The following AGBL4 variants were observed in gnomAD, a reference collection of about 807,000 sequenced individuals.
The protein encoded by AGBL4 is AGBL carboxypeptidase 4, also known as cytosolic carboxypeptidase 6.
Under a neutral mutation model 66.4 loss-of-function variants are expected in AGBL4, and 58 were observed. The ratio of observed to expected loss-of-function variants is 0.87; its 90% CI spans 0.71 to 1.09. The LOEUF is 1.09. Ranked by LOEUF, AGBL4 falls within the 50% of genes least tolerant of loss-of-function variation. The probability of loss-of-function intolerance (pLI) is 0.00; values close to 1 mark genes in which losing one functional copy is unlikely to be tolerated. For missense variants in AGBL4, 579 were observed against 631.0 expected, an observed-to-expected ratio of 0.92 and a Z score of 0.88; for synonymous variants, 234 against 222.9, an observed-to-expected ratio of 1.05 and a Z score of -0.44.
chr1:49,769,391 C>G (rs1643988353), intron 2 of AGBL4, among the ~76,000 whole-genome samples: 1 of 151,940 alleles, frequency 6.6e-6, no homozygotes, highest in Admixed American at 6.6e-5. Flanking sequence ...CCATAATGCC[C>G]AAAGCAAATT....
chr1:49,929,362 T>A (rs974977649), intron 1 of AGBL4, among the ~76,000 whole-genome samples: 7 of 151,948 alleles, frequency 4.6e-5, no homozygotes, highest in Non-Finnish European at 8.8e-5. Context: ...AAAGGACACA[T>A]TATTCACAGA....
chr1:49,260,139 C>A (rs1652979946), intron 3 of AGBL4, among the ~76,000 whole-genome samples: 1 of 151,122 alleles, frequency 6.6e-6, no homozygotes, highest in African/African-American at 2.4e-5. Flanking sequence ...ACCAGAATCT[C>A]TGGGACACAT....
intron 6 of AGBL4, among the ~76,000 whole-genome samples, chr1:48,701,360 C>T (rs2148506094): frequency 1.3e-5 from 1 of 77,858 alleles, no homozygotes; most frequent in East Asian, 4.3e-4. Flanking sequence ...AGGCAGGTGT[C>T]TGCCTCATTT....
At chr1:49,199,553 T>C (rs1570038236) in intron 4 of AGBL4, among the ~76,000 whole-genome samples, 1 of 152,324 alleles carries the variant, frequency 6.6e-6, no homozygotes, top group East Asian at 1.9e-4. Context: ...CCTTCTTCAT[T>C]ACTGGGAAGA....
At chr1:49,697,848 T>C (rs572473842) in intron 2 of AGBL4, among the ~76,000 whole-genome samples, 4 of 152,198 alleles carry the variant, frequency 2.6e-5, no homozygotes, top group Non-Finnish European at 5.9e-5. Flanking sequence ...TGTAATACAT[T>C]GGATCTTGTT....
intron 6 of AGBL4, among the ~76,000 whole-genome samples, chr1:48,737,951 A>G (rs1169634521): frequency 6.6e-6 from 1 of 152,176 alleles, no homozygotes; most frequent in Non-Finnish European, 1.5e-5. Flanking sequence ...TGTTTTCAGA[A>G]AGGCCTGCAG....
At chr1:48,815,240 C>A (rs1416397643) in intron 6 of AGBL4, among the ~76,000 whole-genome samples, 2 of 152,088 alleles carry the variant, frequency 1.3e-5, no homozygotes, top group Non-Finnish European at 2.9e-5. Flanking sequence ...TTTGTTGGGA[C>A]TCCAGGGACT....
rs144269817 is a variant in AGBL4, at chr1:49,241,994, T to C, written c.377+3776A>G. ...TTTATCCACTTTCCATTCCTTGAGA[T>C]ATAGCTGAAATATCACCTGGTCCTT... On this transcript the variant is annotated intron_variant, in intron 4 of 13. Transcript: ENST00000371839. Among the ~76,000 whole-genome samples, 209 of 152,074 alleles carry C rather than the reference T, an allele frequency of 1.4e-3. 1 individual carries two copies. Among genetic ancestry groups the C allele is most frequent in the African/African-American group, 4.8e-3 (199 of 41,546 alleles).
At chr1:48,976,514 T>A (rs1418901961) in intron 5 of AGBL4, among the ~76,000 whole-genome samples, 1 of 152,190 alleles carries the variant, frequency 6.6e-6, no homozygotes, top group Non-Finnish European at 1.5e-5. Flanking sequence ...TTTTCTATAC[T>A]AATGCTTCTT....
At chr1:49,715,667 G>A (rs1648060180) in intron 2 of AGBL4, among the ~76,000 whole-genome samples, 1 of 152,074 alleles carries the variant, frequency 6.6e-6, no homozygotes, top group Non-Finnish European at 1.5e-5. Context: ...GGCATGAGAT[G>A]GTATCTCATT....
chr1:49,026,571 G>T (rs1263193570), intron 5 of AGBL4, among the ~76,000 whole-genome samples: 1 of 152,164 alleles, frequency 6.6e-6, no homozygotes, highest in Non-Finnish European at 1.5e-5. Context: ...TACTGATGCA[G>T]TTAGTCAATA....
intron 1 of AGBL4, among the ~76,000 whole-genome samples, chr1:49,881,702 T>C (rs903427905): frequency 9.9e-5 from 15 of 151,208 alleles, no homozygotes; most frequent in African/African-American, 3.7e-4. Flanking sequence ...GAAGTGTCTG[T>C]TCATGTCCCT....
chr1:49,469,074 A>T (rs780485273), intron 3 of AGBL4, among the ~76,000 whole-genome samples: 1 of 151,780 alleles, frequency 6.6e-6, no homozygotes, highest in Non-Finnish European at 1.5e-5. Context: ...ATGCATGTTT[A>T]TACATTTCCC....
chr1:49,432,229 G>T (rs762905264), intron 3 of AGBL4, among the ~76,000 whole-genome samples: 2 of 152,176 alleles, frequency 1.3e-5, no homozygotes, highest in African/African-American at 4.8e-5. Context: ...TAGATTAAAA[G>T]AAGTTAATTA....
chr1:49,778,621 G>C (rs1644258522), intron 2 of AGBL4, among the ~76,000 whole-genome samples: 1 of 152,176 alleles, frequency 6.6e-6, no homozygotes, highest in Non-Finnish European at 1.5e-5. Flanking sequence ...AAAGAGACAG[G>C]TAAAAGAGCC....
At chr1:48,569,514 G>A (rs560197100) in intron 11 of AGBL4, among the ~76,000 whole-genome samples, 167 of 152,300 alleles carry the variant, frequency 1.1e-3, no homozygotes, top group African/African-American at 3.9e-3. Context: ...CTAATGGACT[G>A]TTTCTAAGGC....
intron 3 of AGBL4, among the ~76,000 whole-genome samples, chr1:49,572,380 C>T (rs1252874956): frequency 6.6e-6 from 1 of 152,148 alleles, no homozygotes; most frequent in African/African-American, 2.4e-5. Flanking sequence ...ATCTAATAAT[C>T]TTTTGAATGC....
At chr1:48,733,790 C>G (rs540061789) in intron 6 of AGBL4, among the ~76,000 whole-genome samples, 44 of 152,170 alleles carry the variant, frequency 2.9e-4, no homozygotes, top group African/African-American at 8.4e-4. Context: ...TTTGGTCAGG[C>G]GATCAGCTTG....
intron 6 of AGBL4, among the ~76,000 whole-genome samples, chr1:48,677,225 A>G (rs1191574400): frequency 3.3e-5 from 5 of 152,240 alleles, no homozygotes; most frequent in Non-Finnish European, 7.3e-5. Flanking sequence ...TCCTTGGAAC[A>G]GGACAAGAAG....
Sources: allele counts gnomAD v4.1 joint callset (sites outside exome capture counted in the v4.1 genomes callset), GRCh38; gene constraint gnomAD v4.1.1; transcripts MANE v1.5; gene names NCBI Gene and HGNC (gene_info 2026-07-23, HGNC 2026-07-21).